Variants in PNPLA1 observed in about 807,000 individuals in gnomAD.
The protein encoded by PNPLA1 is patatin like domain 1, omega-hydroxyceramide transacylase, also known as omega-hydroxyceramide transacylase.
In PNPLA1, 36 loss-of-function variants were observed where a neutral mutation model predicts 51.7. That is an observed-to-expected ratio of 0.70 (90% confidence interval 0.53 to 0.92). The LOEUF (loss-of-function observed/expected upper bound fraction) is 0.92, where lower values mean the gene tolerates loss of function less well. PNPLA1 is among the 40% of genes least tolerant of loss of function. PNPLA1 has a pLI of 0.00. For synonymous variants in PNPLA1, 293 were observed against 280.1 expected, an observed-to-expected ratio of 1.05 and a Z score of -0.46; for missense variants, 658 against 682.5, an observed-to-expected ratio of 0.96 and a Z score of 0.40.
At chr6:36,256,281 A>C (rs1769531568) in intron 1 of PNPLA1, among the ~76,000 whole-genome samples, 1 of 152,062 alleles carries the variant, frequency 6.6e-6, no homozygotes, top group African/African-American at 2.4e-5. Flanking sequence ...CCTTGAACCC[A>C]GGAGTTTGAA....
At chr6:36,274,255 T>G (rs1427977940) in intron 1 of PNPLA1, among the ~76,000 whole-genome samples, 1 of 152,192 alleles carries the variant, frequency 6.6e-6, no homozygotes, top group African/African-American at 2.4e-5. Context: ...TTGGTAAAGC[T>G]AGAATTCGAA....
intron 1 of PNPLA1, among the ~76,000 whole-genome samples, chr6:36,288,602 G>A (rs1311183449): frequency 8.6e-5 from 13 of 151,646 alleles, no homozygotes; most frequent in Admixed American, 3.9e-4. Context: ...ACAGGCGCCC[G>A]CCACCGCGCC....
rs1769987971 is a variant in PNPLA1, at chr6:36,273,460, G to A, written c.205+2796G>A. On this transcript the variant is annotated intron_variant, in intron 1 of 8. Coordinates refer to ENST00000636260, the MANE Select transcript of PNPLA1 (RefSeq NM_001374623.1). The stretch of plus-strand genomic sequence containing the variant: ...ACTCCAGGCCTTCAGAATGGGGGTA[G>A]GGTGACAGCCCCCACTCTGTCCTGG... Among the ~76,000 whole-genome samples the A allele has an allele frequency of 2.6e-5, 4 of 151,834 alleles. No homozygotes were observed. In the South Asian group the frequency reaches 6.2e-4, roughly 24 times the overall value.
At position 36,294,231 on chromosome 6, in the gene PNPLA1, C is replaced by G. The variant is rs1173170426; in HGVS notation, c.546C>G (p.Ala182=). The part of the protein sequence containing the change: ...DGGFTGMQPC[A]FWTDAITIST... The stretch of plus-strand genomic sequence containing the variant: ...GCTTCACGGGCATGCAGCCCTGTGC[C>G]TTCTGGACCGACGCCATCACCATCT... The change falls in exon 4 of 9, where the codon GCC becomes GCG. Residue 182 remains alanine, a synonymous_variant. Coordinates refer to ENST00000636260, the MANE Select transcript of PNPLA1 (RefSeq NM_001374623.1). This position sits in a 1 kb window ranked among gnomAD's most constrained non-coding sequence, Gnocchi z 4.2. The G allele has an allele frequency of 6.2e-7, 1 of 1,614,224 alleles. No homozygotes were observed. Among genetic ancestry groups the G allele is most frequent in the South Asian group, 1.1e-5 (1 of 91,088 alleles).
At chr6:36,271,148 C>T (rs952724935) in intron 1 of PNPLA1, among the ~76,000 whole-genome samples, 2 of 152,150 alleles carry the variant, frequency 1.3e-5, no homozygotes, top group Non-Finnish European at 2.9e-5. Context: ...GAAAGATGAA[C>T]GCCCTGAGGC....
chr6:36,301,744 C>A, intron 5 of PNPLA1, 117 bp from the exon 6 acceptor site: 4 of 1,343,770 alleles, frequency 3.0e-6, no homozygotes, highest in Non-Finnish European at 3.0e-6. Context: ...CAAGTAAGTA[C>A]AGAAAGACCT....
At chr6:36,302,563 G>A (rs2127352573) in intron 6 of PNPLA1, 94 bp downstream of exon 6, 1 of 1,470,496 alleles carries the variant, frequency 6.8e-7, no homozygotes, top group Non-Finnish European at 9.0e-7. Context: ...CTTCTTTAGG[G>A]GTGCGTGGCT....
At chr6:36,266,269 CA>C (rs1769757292), upstream of PNPLA1, among the ~76,000 whole-genome samples, 1 of 152,200 alleles carries the variant, frequency 6.6e-6, no homozygotes, top group South Asian at 2.1e-4. Context: ...TCCAGACCCT[CA>C]AAAATGGTGT....
chr6:36,269,026 G>A (rs1769831593), upstream of PNPLA1, among the ~76,000 whole-genome samples: 1 of 151,762 alleles, frequency 6.6e-6, no homozygotes, highest in Non-Finnish European at 1.5e-5. Context: ...TTTTCAACCT[G>A]AGGCAATGAT....
chr6:36,284,109 A>AAAGC (rs1770402298), intron 1 of PNPLA1, among the ~76,000 whole-genome samples: 1 of 152,224 alleles, frequency 6.6e-6, no homozygotes, highest in Non-Finnish European at 1.5e-5. Flanking sequence ...TCTGGGGGGA[A>AAAGC]AAGCTCATAG....
In PNPLA1 at chr6:36,302,305, C is replaced by T. The variant is rs767288897; in HGVS notation, c.1220C>T (p.Pro407Leu). 1.5e-5 allele frequency: 24 copies of T among 1,613,958 alleles called. No individual in the cohort carries two copies. Among genetic ancestry groups the T allele is most frequent in the Admixed American group, 8.3e-5 (5 of 60,004 alleles). ...CTGTCACCTCAGCAGCAGGTACAAC[C>T]GTCTGGATCACCAGCCAGATCCCTA... ...SPLSPQQQVQ[P>L]SGSPARSLHS... Residue 407 changes from proline to leucine, a missense_variant, in exon 6 of 9, where the codon CCG (proline) becomes CTG (leucine). Coordinates refer to ENST00000636260, the MANE Select transcript of PNPLA1 (RefSeq NM_001374623.1).
intron 1 of PNPLA1, among the ~76,000 whole-genome samples, chr6:36,272,900 T>C (rs2127325429): frequency 6.6e-6 from 1 of 152,298 alleles, no homozygotes; most frequent in Middle Eastern, 3.4e-3. Context: ...GTCTCACAAG[T>C]AATAAACACA....
chr6:36,284,359 G>A (rs1770411816), intron 1 of PNPLA1, among the ~76,000 whole-genome samples: 1 of 152,236 alleles, frequency 6.6e-6, no homozygotes, highest in Non-Finnish European at 1.5e-5. Context: ...GGTTTGGTTT[G>A]AAGTGCTGAA....
chr6:36,303,372 C>A (rs191311772), intron 6 of PNPLA1, among the ~76,000 whole-genome samples: 367 of 152,332 alleles, frequency 2.4e-3, no homozygotes, highest in African/African-American at 7.4e-3. Context: ...GGACTACAGG[C>A]GTGAGCCACC....
intron 1 of PNPLA1, among the ~76,000 whole-genome samples, chr6:36,250,739 C>A (rs1769402457): frequency 1.3e-5 from 2 of 152,160 alleles, no homozygotes; most frequent in Admixed American, 1.3e-4. Context: ...GGCTCACACT[C>A]TGTTGCCAGG....
intron 1 of PNPLA1, among the ~76,000 whole-genome samples, chr6:36,256,318 C>T (rs1769532429): frequency 6.6e-6 from 1 of 150,566 alleles, no homozygotes; most frequent in Admixed American, 6.6e-5. Flanking sequence ...TAGGAAGAAC[C>T]TGTCTTAGAA....
At chr6:36,295,593 G>A (rs1183275658) in intron 5 of PNPLA1, among the ~76,000 whole-genome samples, 169 bp downstream of exon 5, 1 of 152,202 alleles carries the variant, frequency 6.6e-6, no homozygotes, top group Non-Finnish European at 1.5e-5. Context: ...GCATCGCCCA[G>A]CCCAGACCGC....
chr6:36,270,729 G>A (rs535877857), intron 1 of PNPLA1, 65 bp downstream of exon 1: 160 of 1,518,414 alleles, frequency 1.1e-4, no homozygotes, highest in Admixed American at 3.6e-4. Context: ...CAGAAGGAGC[G>A]TGAGGGAGGC....
upstream of PNPLA1, among the ~76,000 whole-genome samples, chr6:36,269,556 C>T (rs1769846389): frequency 6.6e-6 from 1 of 152,202 alleles, no homozygotes; most frequent in Admixed American, 6.5e-5. Context: ...AAGCCTCACA[C>T]ACTTAGAATG....
Sources: gnomAD v4.1 joint callset for allele counts (sites outside exome capture counted in the v4.1 genomes callset) on GRCh38, gnomAD v4.1.1 for gene constraint, Gnocchi (gnomAD v3.1) non-coding constraint, MANE v1.5 for transcripts, NCBI Gene and HGNC (gene_info 2026-07-23, HGNC 2026-07-21) for gene names.